CADM1: variants seen among roughly 807,000 people sequenced by gnomAD.
The protein encoded by CADM1 is TSLC-1.
A neutral mutation model predicts 53.1 loss-of-function variants in CADM1; 15 were observed. The observed-to-expected ratio is 0.28, with a 90% CI of 0.19 to 0.44. The LOEUF (loss-of-function observed/expected upper bound fraction) is 0.44. Ranked by LOEUF, CADM1 falls within the 20% of genes least tolerant of loss-of-function variation. CADM1 has a pLI of 1.00. For synonymous variants in CADM1, 281 were observed against 243.0 expected, an observed-to-expected ratio of 1.16 and a Z score of -1.45; for missense variants, 434 against 611.3, an observed-to-expected ratio of 0.71 and a Z score of 3.06.
intron 1 of CADM1, among the ~76,000 whole-genome samples, chr11:115,451,514 C>T (rs1948571933): frequency 6.6e-6 from 1 of 152,170 alleles, no homozygotes; most frequent in African/African-American, 2.4e-5. Context: ...GCAATTTGTG[C>T]ACAAGTCCTA....
Position 115,231,508 on chromosome 11 carries a change from G to A in CADM1, c.425-18C>T, listed in dbSNP as rs745961396. Reference sequence around the variant, plus strand: ...TGGTGGGACTACAAATTAAACATATGTGCTTTATAAACACAGAATGCATTT... The same window carrying A: ...TGGTGGGACTACAAATTAAACATATATGCTTTATAAACACAGAATGCATTT... On this transcript the variant is annotated intron_variant, in intron 3 of 11. Transcript: ENST00000331581. 2.9e-5 allele frequency: 47 copies of A among 1,612,116 alleles called. No individual in the cohort carries two copies. In the African/African-American group the frequency reaches 6.1e-4, roughly 21 times the overall value.
chr11:115,199,253 T>C (rs11215413), intron 8 of CADM1, among the ~76,000 whole-genome samples: 14,851 of 152,180 alleles, frequency 0.098, 1,022 homozygotes, highest in East Asian at 0.3. Context: ...AATTTAAGTA[T>C]CCAGCCATCC....
At chr11:115,486,555 G>A (rs945023120) in intron 1 of CADM1, among the ~76,000 whole-genome samples, 3 of 151,970 alleles carry the variant, frequency 2.0e-5, no homozygotes, top group Non-Finnish European at 4.4e-5. Context: ...ATGTTGCCCA[G>A]GCTGGTCTCA....
At chr11:115,393,782 A>T (rs1244533069) in intron 1 of CADM1, among the ~76,000 whole-genome samples, 1 of 152,142 alleles carries the variant, frequency 6.6e-6, no homozygotes, top group Non-Finnish European at 1.5e-5. Flanking sequence ...ACCTGAAAAA[A>T]ATGAGAAAAT....
At chr11:115,486,911 A>AAGAT (rs937716515) in intron 1 of CADM1, among the ~76,000 whole-genome samples, 81 of 152,318 alleles carry the variant, frequency 5.3e-4, no homozygotes, top group African/African-American at 1.9e-3. Context: ...CTCTAATGGA[A>AAGAT]AGATAGAGGT....
chr11:115,308,211 T>TATATATATATACACAC (rs139012671), intron 1 of CADM1, among the ~76,000 whole-genome samples: 41 of 139,420 alleles, frequency 2.9e-4, no homozygotes, highest in Non-Finnish European at 5.0e-4. Flanking sequence ...TATATATATA[T>TATATATATATACACAC]ACACACCTAT....
At chr11:115,434,864 T>A (rs1276441359) in intron 1 of CADM1, among the ~76,000 whole-genome samples, 2 of 125,362 alleles carry the variant, frequency 1.6e-5, no homozygotes, top group South Asian at 2.4e-4. Flanking sequence ...ATTATTATTA[T>A]TTTTTTTTTT....
intron 5 of CADM1, among the ~76,000 whole-genome samples, chr11:115,228,254 A>G (rs1171970686): frequency 6.6e-6 from 1 of 152,212 alleles, no homozygotes; most frequent in Non-Finnish European, 1.5e-5. Context: ...AAGCGTTGTA[A>G]GGAAAGAAGT....
intron 1 of CADM1, among the ~76,000 whole-genome samples, chr11:115,295,869 T>C (rs1944064658): frequency 1.3e-5 from 2 of 152,134 alleles, no homozygotes; most frequent in Admixed American, 6.5e-5. Context: ...ATTAATACTA[T>C]ATTCTTAAAT....
rs1036813716 is a variant in CADM1, at chr11:115,175,226, CT to C, written c.*1247del. On this transcript the variant is annotated 3_prime_UTR_variant, in exon 12 of 12. Coordinates refer to ENST00000331581, the MANE Select transcript of CADM1 (RefSeq NM_001301043.2). ...GACCAGTGTGAGAACAATACCAGCC[CT>C]TCTTTTGTACCTCCTGCCTTTGTCA... 4.1e-6 allele frequency: 4 copies of C among 985,700 alleles called. No homozygotes were observed. In the Admixed American group the frequency reaches 2.5e-4, roughly 61 times the overall value. The allele number at this position is 985,700 out of a possible 1,614,324, so 61.1% of individuals were successfully genotyped here. A position where few individuals can be genotyped will look rare whatever the true frequency, so the allele number is the denominator to read the frequency against.
chr11:115,316,752 A>G (rs1407718949), intron 1 of CADM1, among the ~76,000 whole-genome samples: 1 of 152,200 alleles, frequency 6.6e-6, no homozygotes, highest in African/African-American at 2.4e-5. Context: ...GGACCAGAGG[A>G]AAAGATTTAG....
chr11:115,355,069 A>G (rs530674716), intron 1 of CADM1, among the ~76,000 whole-genome samples: 1 of 152,310 alleles, frequency 6.6e-6, no homozygotes, highest in East Asian at 1.9e-4. Context: ...TTATCACTCT[A>G]AAAGCCTTCA....
chr11:115,367,621 T>C (rs928790062), intron 1 of CADM1, among the ~76,000 whole-genome samples: 3 of 152,178 alleles, frequency 2.0e-5, no homozygotes, highest in African/African-American at 7.2e-5. Flanking sequence ...CACGTTTTTC[T>C]TTTCTGTATA....
At chr11:115,455,921 A>G (rs957605371) in intron 1 of CADM1, among the ~76,000 whole-genome samples, 9 of 152,234 alleles carry the variant, frequency 5.9e-5, no homozygotes, top group Admixed American at 5.2e-4. Context: ...CCAGGGTTCA[A>G]ATAAGTTCCC....
At chr11:115,471,010 A>G (rs1258148142) in intron 1 of CADM1, among the ~76,000 whole-genome samples, 8 of 152,196 alleles carry the variant, frequency 5.3e-5, no homozygotes, top group Admixed American at 3.9e-4. Context: ...ACACCCTCCA[A>G]CATCAGAGGA....
At chr11:115,330,881 A>T (rs539905268) in intron 1 of CADM1, among the ~76,000 whole-genome samples, 3 of 152,138 alleles carry the variant, frequency 2.0e-5, no homozygotes, top group Non-Finnish European at 4.4e-5. Flanking sequence ...ACCTCCACCC[A>T]AGAAGGAGCA....
At chr11:115,332,152 G>A (rs899405039) in intron 1 of CADM1, among the ~76,000 whole-genome samples, 7 of 152,116 alleles carry the variant, frequency 4.6e-5, no homozygotes, top group East Asian at 1.9e-4. Context: ...GGCTGAGTAC[G>A]GAAGCAGGGA....
chr11:115,269,235 C>T (rs191920510), intron 1 of CADM1, among the ~76,000 whole-genome samples: 24 of 152,210 alleles, frequency 1.6e-4, no homozygotes, highest in African/African-American at 5.5e-4. Flanking sequence ...AGGATAGAGG[C>T]CCCAAGGGGT....
chr11:115,492,882 T>G (rs1242437948), intron 1 of CADM1, among the ~76,000 whole-genome samples: 1 of 151,764 alleles, frequency 6.6e-6, no homozygotes, highest in Non-Finnish European at 1.5e-5. Flanking sequence ...CCTACCCCCA[T>G]GCAGCTGAAA....
Sources: gnomAD v4.1 joint callset for allele counts (sites outside exome capture counted in the v4.1 genomes callset) on GRCh38, gnomAD v4.1.1 for gene constraint, MANE v1.5 for transcripts, NCBI Gene and HGNC (gene_info 2026-07-23, HGNC 2026-07-21) for gene names.